NBPF19: variants seen among roughly 807,000 people sequenced by gnomAD.
The protein encoded by NBPF19 is NBPF family member NBPF19.
A neutral mutation model predicts 45.9 loss-of-function variants in NBPF19; 30 were observed. The observed-to-expected ratio is 0.65, with a 90% CI of 0.49 to 0.89. NBPF19 has a LOEUF of 0.89. Among genes scored for constraint, NBPF19 ranks in the 40% least tolerant of loss-of-function variants. NBPF19 has a pLI of 0.00. For missense variants in NBPF19, 495 were observed against 471.8 expected (o/e 1.05, Z -0.46); for synonymous variants, 183 against 181.2 (o/e 1.01, Z -0.08).
intron 45 of NBPF19, 133 bp from the exon 46 acceptor site, chr1:149,516,431 A>T: frequency 5.9e-6 from 3 of 506,220 alleles, no homozygotes; most frequent in South Asian, 2.1e-5. Flanking sequence ...AAAGGCAATA[A>T]TTTGTTCCCT....
Position 149,490,916 on chromosome 1 carries a change from G to C in NBPF19, c.1491-223G>C, listed in dbSNP as rs1199043777. Reference sequence around the variant, plus strand: ...TCTCTCTCTGTGTGTGTGTGTGTGTGTGTGCGTGTGTGTGTGTGTGTGTGT... The same window carrying C: ...TCTCTCTCTGTGTGTGTGTGTGTGTCTGTGCGTGTGTGTGTGTGTGTGTGT... On this transcript the variant is annotated intron_variant, in intron 13 of 93. Transcript: ENST00000651566. Among the ~76,000 whole-genome samples, 11 of 133,208 alleles carry C rather than the reference G, an allele frequency of 8.3e-5. 1 individual carries two copies. Among genetic ancestry groups the C allele is most frequent in the Non-Finnish European group, 1.7e-4 (11 of 63,022 alleles). 87.4% of individuals were successfully genotyped at this position (133,208 alleles called of 152,430 possible). A position where few individuals can be genotyped will look rare whatever the true frequency, so the allele number is the denominator to read the frequency against.
At position 149,486,142 on chromosome 1, in the gene NBPF19, G is replaced by A. The variant is rs2085489342; in HGVS notation, c.837G>A (p.Glu279=). 2 of 422,874 alleles carry A rather than the reference G, an allele frequency of 4.7e-6. No homozygotes were observed. The highest frequency in any genetic ancestry group is 8.0e-6 in the Non-Finnish European group (2 of 249,344). 26.2% of individuals were successfully genotyped at this position (422,874 alleles called of 1,614,324 possible). A position where few individuals can be genotyped will look rare whatever the true frequency, so the allele number is the denominator to read the frequency against. The change falls in exon 8 of 94, where the codon GAG becomes GAA. Residue 279 remains glutamate (E), a synonymous_variant. Transcript: ENST00000651566. ...CCTGGCTCATCAGGAATCTGCAGGA[G>A]TCTGAAGAGGAGGAAGTCCCCCAGG... The part of the protein sequence containing the change: ...KGPVSPRNLQ[E]SEEEEVPQES...
Position 149,487,345 on chromosome 1 carries a change from T to A in NBPF19, c.1002T>A (p.Asp334Glu). The change falls in exon 9 of 94, where the codon GAT becomes GAA. Residue 334 changes from aspartate (D) to glutamate (E), a missense_variant. Asp to Glu is a conservative substitution (Grantham distance 45). Transcript: ENST00000651566. ...ATTTATTTGCAGGACATCGCTGGGA[T>A]CAAGTGAAAAAGGAGGACCAAGAGG... ...MAVDIGRHRW[D>E]QVKKEDQEAT... 1.3e-6 allele frequency: 2 copies of A among 1,564,322 alleles called. No individual in the cohort carries two copies. The highest frequency in any genetic ancestry group is 1.7e-6 in the Non-Finnish European group (2 of 1,148,046).
At chr1:149,521,074 G>T (rs1448600289) in intron 51 of NBPF19, among the ~76,000 whole-genome samples, 2 of 73,350 alleles carry the variant, frequency 2.7e-5, no homozygotes, top group South Asian at 3.7e-4. Context: ...CTTTCTCTCT[G>T]TCTCTGTCTC....
chr1:149,477,840 G>T lies in NBPF19; in HGVS notation c.176-105G>T, dbSNP rs1328502640. ...AATCCCTGTCTAGACCCTGGTACTG[G>T]GGAGAGTTTTGTCCTTGGGATGGAC... On this transcript the variant is annotated intron_variant, in intron 2 of 93. Transcript: ENST00000651566. 1.0e-4 allele frequency: 84 copies of T among 817,934 alleles called. 2 individuals carry two copies. The highest frequency in any genetic ancestry group is 7.2e-4 in the South Asian group (49 of 68,132). The allele number at this position is 817,934 out of a possible 1,614,324, so 50.7% of individuals were successfully genotyped here. A position where few individuals can be genotyped will look rare whatever the true frequency, so the allele number is the denominator to read the frequency against.
intron 9 of NBPF19, among the ~76,000 whole-genome samples, 188 bp downstream of exon 9, chr1:149,487,571 A>C (rs2085632934): frequency 6.6e-6 from 1 of 150,802 alleles, no homozygotes; most frequent in Non-Finnish European, 1.5e-5. Context: ...TACCCTTATC[A>C]TTTACTAACC....
rs2087211144 is a variant in NBPF19, at chr1:149,554,928, A to C, written c.*190A>C. On this transcript the variant is annotated 3_prime_UTR_variant, in exon 94 of 94. Transcript: ENST00000651566. ...AGTCTGAAGACAATGGACCCACGTT[A>C]GGTGTGACACGTTCACATAACTGTG... The C allele has an allele frequency of 5.0e-6, 5 of 993,478 alleles. No homozygotes were observed. The highest frequency in any genetic ancestry group is 7.5e-6 in the Non-Finnish European group (5 of 669,584). 61.5% of individuals were successfully genotyped at this position (993,478 alleles called of 1,614,324 possible). A position where few individuals can be genotyped will look rare whatever the true frequency, so the allele number is the denominator to read the frequency against.
At chr1:149,521,068 C>CTCTCTGTCTCTG (rs1213450797) in intron 51 of NBPF19, among the ~76,000 whole-genome samples, 2 of 76,730 alleles carry the variant, frequency 2.6e-5, no homozygotes, top group African/African-American at 1.0e-4. Context: ...AGGTCACTTT[C>CTCTCTGTCTCTG]TCTCTGTCTC....
chr1:149,478,203 A>T (rs2084960426), intron 3 of NBPF19, among the ~76,000 whole-genome samples, 156 bp downstream of exon 3: 4 of 151,076 alleles, frequency 2.6e-5, no homozygotes, highest in African/African-American at 9.7e-5. Flanking sequence ...TCAGTGAACA[A>T]GGATAATAAT....
chr1:149,478,769 T>C, intron 3 of NBPF19, 111 bp from the exon 4 acceptor site: 2 of 1,230,804 alleles, frequency 1.6e-6, no homozygotes. Context: ...TGTGCTGACC[T>C]TCTGCTTGGA....
intron 2 of NBPF19, among the ~76,000 whole-genome samples, chr1:149,477,058 C>G (rs1191906213): frequency 6.7e-6 from 1 of 150,190 alleles, no homozygotes; most frequent in Non-Finnish European, 1.5e-5. Flanking sequence ...AAGATCACAC[C>G]GGAGAATGTG....
At chr1:149,478,138 G>C in intron 3 of NBPF19, 91 bp downstream of exon 3, 1 of 808,156 alleles carries the variant, frequency 1.2e-6, no homozygotes, top group Non-Finnish European at 2.1e-6. Context: ...GAACGAAGCT[G>C]GGCCAGGGGA....
rs1571066870 is a variant in NBPF19, at chr1:149,554,447, G to T, written c.11289-48G>T. ...TTCTGAAATCTAGTGGGGCTCTGTG[G>T]TGTCTGATTTTCCCTGGCTGCTTCT... On this transcript the variant is annotated intron_variant, in intron 93 of 93. Coordinates refer to ENST00000651566, the MANE Select transcript of NBPF19 (RefSeq NM_001351365.2). 17 of 1,607,796 alleles carry T rather than the reference G, an allele frequency of 1.1e-5. 1 individual carries two copies. Among genetic ancestry groups the T allele is most frequent in the Admixed American group, 1.7e-5 (1 of 59,846 alleles).
At chr1:149,479,370 T>A (rs1228870016) in intron 4 of NBPF19, among the ~76,000 whole-genome samples, 2 of 149,416 alleles carry the variant, frequency 1.3e-5, no homozygotes, top group Non-Finnish European at 3.0e-5. Context: ...AAGGAGGCTG[T>A]GATGGAAGGG....
Position 149,554,719 on chromosome 1 carries a change from T to G in NBPF19, c.11513T>G (p.Leu3838Ter). ...VTSLHLVFQM[L>*]VIFPQ Reference sequence around the variant, plus strand: ...AGTCTCCATCTGGTGTTCCAGATGTTAGTCATATTCCCACAATAGGCAGCC... The same window carrying G: ...AGTCTCCATCTGGTGTTCCAGATGTGAGTCATATTCCCACAATAGGCAGCC... The change falls in exon 94 of 94, where the codon TTA becomes TGA. Residue 3838 changes from leucine (L) to a stop codon, truncating the protein, a stop_gained. Coordinates refer to ENST00000651566, the MANE Select transcript of NBPF19 (RefSeq NM_001351365.2). LOFTEE classifies it low-confidence loss of function (END_TRUNC). 3.1e-6 allele frequency: 5 copies of G among 1,608,100 alleles called. No homozygotes were observed. The highest frequency in any genetic ancestry group is 1.3e-5 in the African/African-American group (1 of 74,738).
In NBPF19 at chr1:149,554,596, C is replaced by G; in HGVS notation, c.11390C>G (p.Ser3797Ter). The stretch of plus-strand genomic sequence containing the variant: ...TCAATGTACTTTGAACTACCTGACT[C>G]ATTCCAGCACTACAGAAGTGTGTTT... ...TPSMYFELPD[S>*]FQHYRSVFYS... Residue 3797 changes from serine (S) to a stop codon, truncating the protein, a stop_gained, in exon 94 of 94, where the codon TCA becomes TGA. Coordinates refer to ENST00000651566, the MANE Select transcript of NBPF19 (RefSeq NM_001351365.2). LOFTEE classifies it low-confidence loss of function (END_TRUNC). 3 of 1,608,316 alleles carry G rather than the reference C, an allele frequency of 1.9e-6. No homozygotes were observed. The highest frequency in any genetic ancestry group is 1.1e-5 in the South Asian group (1 of 90,886).
At chr1:149,528,877 C>A (rs1190259337) in intron 61 of NBPF19, among the ~76,000 whole-genome samples, 1 of 122,474 alleles carries the variant, frequency 8.2e-6, no homozygotes, top group Non-Finnish European at 1.7e-5. Context: ...AGGGCACTAA[C>A]TCAGAGTGTC....
chr1:149,491,229 A>C lies in NBPF19; in HGVS notation c.1581A>C (p.Glu527Asp). ...ATTCAACTCCTTCCAGTTGTCTTGA[A>C]CAGCCTGACTCCTGCCAGCCCTATG... ...RCYSTPSSCL[E>D]QPDSCQPYGS... is the part of the protein sequence containing the mutation. Residue 527 changes from glutamate to aspartate, a missense_variant, in exon 14 of 94, where the codon GAA becomes GAC. Around this residue, in one of 8 missense-constraint regions of NBPF19, gnomAD observed 146 missense variants for 67.3 expected, o/e 2.17. Coordinates refer to ENST00000651566, the MANE Select transcript of NBPF19 (RefSeq NM_001351365.2). The C allele has an allele frequency of 2.4e-5, 7 of 286,026 alleles. No homozygotes were observed. Among genetic ancestry groups the C allele is most frequent in the Non-Finnish European group, 3.5e-5 (6 of 170,518 alleles). 17.7% of individuals were successfully genotyped at this position (286,026 alleles called of 1,614,324 possible). A position where few individuals can be genotyped will look rare whatever the true frequency, so the allele number is the denominator to read the frequency against.
At chr1:149,487,306 G>A in intron 8 of NBPF19, 26 bp from the exon 9 acceptor site, 1 of 1,542,452 alleles carries the variant, frequency 6.5e-7, no homozygotes, top group Non-Finnish European at 8.9e-7. Flanking sequence ...CTTAATGTAA[G>A]AGGGCCCATC....
Sources: gnomAD v4.1 joint callset for allele counts (sites outside exome capture counted in the v4.1 genomes callset) on GRCh38, gnomAD v4.1.1 for gene constraint, gnomAD v4.1.1 regional missense constraint, MANE v1.5 for transcripts, NCBI Gene and HGNC (gene_info 2026-07-23, HGNC 2026-07-21) for gene names.